The following RBFOX1 variants were observed in gnomAD, a reference collection of about 807,000 sequenced individuals.
The protein encoded by RBFOX1 is RNA binding protein fox-1 homolog 1.
RBFOX1 carries 8 observed loss-of-function variants against 57.7 expected under a neutral mutation model. That is an observed-to-expected ratio of 0.14 (90% CI 0.08 to 0.25). The LOEUF (loss-of-function observed/expected upper bound fraction) is 0.25. Among genes scored for constraint, RBFOX1 ranks in the 10% least tolerant of loss-of-function variants. The pLI, the probability that RBFOX1 is intolerant of heterozygous loss-of-function variation, is 1.00. For missense variants in RBFOX1, 611 were observed against 548.5 expected, an observed-to-expected ratio of 1.11 and a Z score of -1.14; for synonymous variants, 326 against 222.4, an observed-to-expected ratio of 1.47 and a Z score of -4.15.
At chr16:6,233,753 C>T (rs2097483790) in intron 1 of RBFOX1, among the ~76,000 whole-genome samples, 1 of 152,076 alleles carries the variant, frequency 6.6e-6, no homozygotes. Flanking sequence ...GGATTACAGA[C>T]ATGAGCCACC....
At chr16:6,676,931 C>T (rs2057824378) in intron 3 of RBFOX1, among the ~76,000 whole-genome samples, 1 of 152,014 alleles carries the variant, frequency 6.6e-6, no homozygotes. Context: ...CCACCTCGGC[C>T]TCCCAAAGTG....
intron 3 of RBFOX1, among the ~76,000 whole-genome samples, chr16:5,765,797 C>T (rs190782480): frequency 1.3e-5 from 2 of 152,310 alleles, no homozygotes; most frequent in East Asian, 3.9e-4. Flanking sequence ...GCTGCAAGTA[C>T]AGGATGCTCA....
At chr16:6,372,782 T>C (rs1389910748) in intron 2 of RBFOX1, among the ~76,000 whole-genome samples, 1 of 151,014 alleles carries the variant, frequency 6.6e-6, no homozygotes, top group East Asian at 2.0e-4. Flanking sequence ...GGTAGGAGTA[T>C]TGTTGGGTGG....
At chr16:6,911,833 A>T (rs12148921) in intron 3 of RBFOX1, among the ~76,000 whole-genome samples, 34,363 of 152,172 alleles carry the variant, frequency 0.23, 3,973 homozygotes, top group East Asian at 0.3. Context: ...TTACTTTTTA[A>T]AAATCTCAGT....
chr16:7,101,412 G>A lies in RBFOX1; in HGVS notation c.27+49314G>A, dbSNP rs571711043. The stretch of plus-strand genomic sequence containing the variant: ...GGAAACTCTTGGATTTCGTTCCAGA[G>A]TCTTGGTAATAGTGGTTACATAATA... On this transcript the variant is annotated intron_variant, in intron 4 of 15. Transcript: ENST00000550418. Among the ~76,000 whole-genome samples the A allele has an allele frequency of 5.9e-5, 9 of 152,316 alleles. No homozygotes were observed. The South Asian group carries it at 1.7e-3, about 28-fold the overall frequency.
At chr16:7,299,188 C>T (rs1003047697) in intron 4 of RBFOX1, among the ~76,000 whole-genome samples, 1 of 152,298 alleles carries the variant, frequency 6.6e-6, no homozygotes, top group East Asian at 1.9e-4. Flanking sequence ...CATTTCTCCA[C>T]AGTGATGTCA....
At chr16:6,590,731 C>T (rs1453089888) in intron 2 of RBFOX1, among the ~76,000 whole-genome samples, 2 of 152,174 alleles carry the variant, frequency 1.3e-5, no homozygotes, top group Admixed American at 1.3e-4. Context: ...GACGGTCGTA[C>T]ATTTCCTCAA....
chr16:6,539,958 A>G (rs1037858759), intron 2 of RBFOX1, among the ~76,000 whole-genome samples: 5 of 152,178 alleles, frequency 3.3e-5, no homozygotes, highest in African/African-American at 1.2e-4. Flanking sequence ...TAGCCAGCCA[A>G]TGAAAAAATT....
chr16:6,806,954 C>T (rs1343862955), intron 3 of RBFOX1, among the ~76,000 whole-genome samples: 2 of 150,640 alleles, frequency 1.3e-5, no homozygotes, highest in Non-Finnish European at 3.0e-5. Flanking sequence ...CTGCCTCAGC[C>T]TCCTAAGTAG....
intron 15 of RBFOX1, chr16:7,710,322 TC>T: frequency 8.2e-7 from 1 of 1,215,360 alleles, no homozygotes; most frequent in Non-Finnish European, 1.0e-6. Flanking sequence ...TGCAGATTAT[TC>T]TGTTATAAAA....
chr16:6,283,456 T>C (rs1000668845), intron 1 of RBFOX1, among the ~76,000 whole-genome samples: 1 of 152,220 alleles, frequency 6.6e-6, no homozygotes, highest in South Asian at 2.1e-4. Flanking sequence ...GATTCTGCCA[T>C]TGAAGTGGAA....
At chr16:5,780,500 A>G (rs1169552396) in intron 3 of RBFOX1, among the ~76,000 whole-genome samples, 3 of 152,232 alleles carry the variant, frequency 2.0e-5, no homozygotes, top group Admixed American at 6.5e-5. Context: ...ATCACGTTGT[A>G]TACCATAGAT....
chr16:5,721,345 G>A (rs1004809267), intron 3 of RBFOX1, among the ~76,000 whole-genome samples: 1 of 152,140 alleles, frequency 6.6e-6, no homozygotes, highest in African/African-American at 2.4e-5. Flanking sequence ...ACTTGTGTGG[G>A]TGTGGATGTG....
intron 12 of RBFOX1, among the ~76,000 whole-genome samples, chr16:7,664,513 G>T (rs780206860): frequency 1.2e-4 from 18 of 152,292 alleles, no homozygotes; most frequent in Admixed American, 6.5e-4. Flanking sequence ...TTTACAATCC[G>T]ATTTTTAAAT....
chr16:6,700,793 C>A (rs2061703411), intron 3 of RBFOX1, among the ~76,000 whole-genome samples: 1 of 152,126 alleles, frequency 6.6e-6, no homozygotes, highest in African/African-American at 2.4e-5. Flanking sequence ...TGGCATATCC[C>A]AGCAAGTAAT....
chr16:6,741,116 G>GCCA (rs2071948706), intron 3 of RBFOX1, among the ~76,000 whole-genome samples: 1 of 152,034 alleles, frequency 6.6e-6, no homozygotes, highest in African/African-American at 2.4e-5. Flanking sequence ...CAATTTAATG[G>GCCA]GGGAAGTATA....
chr16:6,261,378 G>GTA (rs1353061388), intron 1 of RBFOX1, among the ~76,000 whole-genome samples: 1 of 152,164 alleles, frequency 6.6e-6, no homozygotes, highest in Non-Finnish European at 1.5e-5. Flanking sequence ...TACCAAAATA[G>GTA]TACGTCAAAG....
chr16:6,995,563 C>T (rs1026422160), intron 3 of RBFOX1, among the ~76,000 whole-genome samples: 3 of 152,012 alleles, frequency 2.0e-5, no homozygotes, highest in African/African-American at 4.8e-5. Flanking sequence ...TCAGGATCAC[C>T]AGCATGGGCA....
intron 4 of RBFOX1, among the ~76,000 whole-genome samples, chr16:7,201,793 G>C (rs533755925): frequency 6.6e-6 from 1 of 152,234 alleles, no homozygotes; most frequent in Non-Finnish European, 1.5e-5. Flanking sequence ...AGCTTACCCA[G>C]GCTGGTAGAG....
Sources: allele counts gnomAD v4.1 joint callset (sites outside exome capture counted in the v4.1 genomes callset), GRCh38; gene constraint gnomAD v4.1.1; transcripts MANE v1.5; gene names NCBI Gene and HGNC (gene_info 2026-07-23, HGNC 2026-07-21).